ZSWIM6: variants seen among roughly 807,000 people sequenced by gnomAD.
ZSWIM6 encodes the protein zinc finger SWIM-type containing 6.
In ZSWIM6, 9 loss-of-function variants were observed where a neutral mutation model predicts 113.2. That is an observed-to-expected ratio of 0.08 (90% CI 0.05 to 0.14). The LOEUF is 0.14. Among genes scored for constraint, ZSWIM6 ranks in the 10% least tolerant of loss-of-function variants. The pLI is 1.00. For missense variants in ZSWIM6, 1,162 were observed against 1,552.2 expected (o/e 0.75, Z 4.22); for synonymous variants, 611 against 606.5 (o/e 1.01, Z -0.11).
At chr5:61,433,233 A>G (rs999919704) in intron 1 of ZSWIM6, among the ~76,000 whole-genome samples, 2 of 152,162 alleles carry the variant, frequency 1.3e-5, no homozygotes, top group African/African-American at 2.4e-5. Flanking sequence ...GAAAATTTCT[A>G]TATTAATTTA....
At chr5:61,540,105 G>A (rs1437286919) in intron 12 of ZSWIM6, among the ~76,000 whole-genome samples, 1 of 152,186 alleles carries the variant, frequency 6.6e-6, no homozygotes, top group Non-Finnish European at 1.5e-5. Flanking sequence ...CATGTATAAT[G>A]AAGATTCAGT....
At chr5:61,446,850 A>G (rs1007164692) in intron 1 of ZSWIM6, among the ~76,000 whole-genome samples, 1 of 152,186 alleles carries the variant, frequency 6.6e-6, no homozygotes, top group Non-Finnish European at 1.5e-5. Flanking sequence ...ACACGCACAC[A>G]CACACATGCA....
chr5:61,426,486 T>A (rs575088368), intron 1 of ZSWIM6, among the ~76,000 whole-genome samples: 1 of 152,356 alleles, frequency 6.6e-6, no homozygotes, highest in Non-Finnish European at 1.5e-5. Context: ...AATATTTTCT[T>A]ACAAAACTAC....
At chr5:61,336,630 C>T (rs1229717670) in intron 1 of ZSWIM6, among the ~76,000 whole-genome samples, 5 of 152,032 alleles carry the variant, frequency 3.3e-5, no homozygotes, top group African/African-American at 1.2e-4. Flanking sequence ...TGGCACATGC[C>T]TGTAATCTCA....
At chr5:61,348,796 A>T (rs1259718388) in intron 1 of ZSWIM6, among the ~76,000 whole-genome samples, 1 of 152,166 alleles carries the variant, frequency 6.6e-6, no homozygotes, top group Non-Finnish European at 1.5e-5. Context: ...TGTAATAGTA[A>T]ACCAGATCCA....
chr5:61,351,882 T>A (rs566010077), intron 1 of ZSWIM6, among the ~76,000 whole-genome samples: 42 of 152,338 alleles, frequency 2.8e-4, no homozygotes, highest in African/African-American at 9.9e-4. Flanking sequence ...GAGTGGACTT[T>A]GTGTATGTAT....
chr5:61,413,070 G>T (rs1004845948), intron 1 of ZSWIM6, among the ~76,000 whole-genome samples: 1 of 147,958 alleles, frequency 6.8e-6, no homozygotes, highest in Non-Finnish European at 1.5e-5. Flanking sequence ...TGTGCACAAT[G>T]TGCAGGTTAG....
chr5:61,446,558 A>T (rs1746957119), intron 1 of ZSWIM6, among the ~76,000 whole-genome samples: 2 of 152,238 alleles, frequency 1.3e-5, no homozygotes, highest in South Asian at 4.1e-4. Flanking sequence ...TTATAGTTTT[A>T]TAACCTTCTG....
chr5:61,530,459 C>G (rs2112275524), intron 8 of ZSWIM6, among the ~76,000 whole-genome samples: 1 of 152,284 alleles, frequency 6.6e-6, no homozygotes, highest in Non-Finnish European at 1.5e-5. Flanking sequence ...GATTCTGTAT[C>G]TACGAATTTA....
At chr5:61,504,702 G>T (rs1022651196) in intron 4 of ZSWIM6, among the ~76,000 whole-genome samples, 2 of 152,008 alleles carry the variant, frequency 1.3e-5, no homozygotes, top group Non-Finnish European at 2.9e-5. Context: ...ATATTTTAGT[G>T]GACTCTTGAT....
intron 7 of ZSWIM6, among the ~76,000 whole-genome samples, chr5:61,527,260 A>T (rs914012678): frequency 2.6e-5 from 4 of 152,004 alleles, no homozygotes; most frequent in Non-Finnish European, 5.9e-5. Flanking sequence ...TTTTATTTTT[A>T]TGTTTCTTTA....
At chr5:61,485,155 G>C (rs1282694588) in intron 2 of ZSWIM6, among the ~76,000 whole-genome samples, 3 of 152,026 alleles carry the variant, frequency 2.0e-5, no homozygotes, top group Non-Finnish European at 2.9e-5. Flanking sequence ...TGGTGAGCAG[G>C]GCAGATACAA....
intron 1 of ZSWIM6, among the ~76,000 whole-genome samples, chr5:61,333,620 C>T (rs1246535013): frequency 2.0e-5 from 3 of 151,436 alleles, no homozygotes; most frequent in Non-Finnish European, 3.0e-5. Flanking sequence ...TTCTTTGCGC[C>T]TCCTCAGTCT....
chr5:61,467,763 AAG>A (rs1747468147), intron 1 of ZSWIM6, among the ~76,000 whole-genome samples: 1 of 152,220 alleles, frequency 6.6e-6, no homozygotes, highest in South Asian at 2.1e-4. Context: ...AAAATGGGGA[AAG>A]AGAGCTGGGT....
intron 1 of ZSWIM6, among the ~76,000 whole-genome samples, chr5:61,346,089 C>T (rs577936532): frequency 6.2e-4 from 95 of 152,028 alleles, no homozygotes; most frequent in Middle Eastern, 3.4e-3. Flanking sequence ...GGATTACAGG[C>T]GCCCATCACC....
At chr5:61,402,020 C>T (rs910228623) in intron 1 of ZSWIM6, among the ~76,000 whole-genome samples, 4 of 151,592 alleles carry the variant, frequency 2.6e-5, no homozygotes, top group Non-Finnish European at 5.9e-5. Context: ...TTCACCCTAG[C>T]TCCAGGGGTA....
intron 1 of ZSWIM6, among the ~76,000 whole-genome samples, chr5:61,415,634 T>A (rs1746232548): frequency 6.6e-6 from 1 of 150,834 alleles, no homozygotes; most frequent in African/African-American, 2.4e-5. Flanking sequence ...TAAGAATATG[T>A]TTGTGTGTTG....
intron 1 of ZSWIM6, among the ~76,000 whole-genome samples, chr5:61,367,190 C>T (rs185770140): frequency 2.3e-4 from 35 of 152,268 alleles, no homozygotes; most frequent in Admixed American, 3.9e-4. Flanking sequence ...CTAGGCATTA[C>T]GTTTTCTCTT....
intron 1 of ZSWIM6, among the ~76,000 whole-genome samples, chr5:61,447,704 A>C (rs1267943532): frequency 2.0e-5 from 3 of 152,208 alleles, no homozygotes; most frequent in African/African-American, 7.2e-5. Context: ...TCAGGGAATC[A>C]AAATCTGTTA....
Sources: allele counts gnomAD v4.1 joint callset (sites outside exome capture counted in the v4.1 genomes callset), GRCh38; gene constraint gnomAD v4.1.1; transcripts MANE v1.5; gene names NCBI Gene and HGNC (gene_info 2026-07-23, HGNC 2026-07-21).